RPN2: variants seen among roughly 807,000 people sequenced by gnomAD.
RPN2 encodes the protein dolichyl-diphosphooligosaccharide--protein glycosyltransferase subunit 2.
A neutral mutation model predicts 71.4 loss-of-function variants in RPN2; 29 were observed. The ratio of observed to expected loss-of-function variants is 0.41; its 90% CI spans 0.30 to 0.55. The LOEUF is 0.55. Ranked by LOEUF, RPN2 falls within the 20% of genes least tolerant of loss-of-function variation. The probability of loss-of-function intolerance (pLI) is 0.35; values close to 1 mark genes in which losing one functional copy is unlikely to be tolerated. For missense variants in RPN2, 726 were observed against 774.1 expected, an observed-to-expected ratio of 0.94 and a Z score of 0.74; for synonymous variants, 308 against 305.0, an observed-to-expected ratio of 1.01 and a Z score of -0.10.
chr20:37,209,532 G>A (rs960350102), intron 7 of RPN2, among the ~76,000 whole-genome samples: 2 of 151,516 alleles, frequency 1.3e-5, no homozygotes, highest in East Asian at 1.9e-4. Context: ...GTATAGTGGC[G>A]CAATCATAGC....
chr20:37,230,097 A>G lies in RPN2; in HGVS notation c.1581+38A>G, dbSNP rs770990456. 356 of 1,483,872 alleles carry G rather than the reference A, an allele frequency of 2.4e-4. 1 individual carries two copies. Among genetic ancestry groups the G allele is most frequent in the Non-Finnish European group, 3.3e-4 (346 of 1,061,246 alleles). The allele number at this position is 1,483,872 out of a possible 1,614,324, so 91.9% of individuals were successfully genotyped here. On this transcript the variant is annotated intron_variant, in intron 13 of 16. Coordinates refer to ENST00000237530, the MANE Select transcript of RPN2 (RefSeq NM_002951.5). ...GGGCCTATCCACTAAACGTGGGAGA[A>G]GAGAGGGCAACAAAGCCCTGGACAG...
intron 8 of RPN2, among the ~76,000 whole-genome samples, chr20:37,211,929 G>T (rs539318711): frequency 6.6e-6 from 1 of 151,794 alleles, no homozygotes; most frequent in Non-Finnish European, 1.5e-5. Flanking sequence ...GTAGAGATGG[G>T]GTTTTACCAT....
At chr20:37,214,824 A>C (rs2067767196) in intron 9 of RPN2, among the ~76,000 whole-genome samples, 1 of 152,004 alleles carries the variant, frequency 6.6e-6, no homozygotes, top group Admixed American at 6.6e-5. Context: ...CTCTGCTGTA[A>C]AGTTGCTGTT....
chr20:37,184,601 G>T (rs918638381), intron 2 of RPN2, among the ~76,000 whole-genome samples: 1 of 152,162 alleles, frequency 6.6e-6, no homozygotes, highest in Non-Finnish European at 1.5e-5. Context: ...GACCAGCCTG[G>T]CCAGTGCAGT....
chr20:37,211,655 A>AC (rs2067671254), intron 8 of RPN2, among the ~76,000 whole-genome samples: 1 of 151,924 alleles, frequency 6.6e-6, no homozygotes, highest in South Asian at 2.1e-4. Context: ...TAAAAAAAAA[A>AC]AAAAAAATCA....
chr20:37,216,909 A>C (rs2067820121), intron 9 of RPN2, among the ~76,000 whole-genome samples: 1 of 150,482 alleles, frequency 6.6e-6, no homozygotes, highest in African/African-American at 2.4e-5. Context: ...GTTTGTTTAT[A>C]TGCATTGCTT....
At position 37,210,050 on chromosome 20, in the gene RPN2, C is replaced by G; in HGVS notation, c.871C>G (p.Gln291Glu). 6.2e-7 allele frequency: 1 copy of G among 1,613,952 alleles called. No individual in the cohort carries two copies. The highest frequency in any genetic ancestry group is 1.1e-5 in the South Asian group (1 of 91,078). ...DTHEQAILRL[Q>E]VTNVLSQPLT... Reference sequence around the variant, plus strand: ...ATAATTTTTTATTTATTTCCAGTTGCAAGTCACCAATGTTCTGTCTCAGCC... The same window carrying G: ...ATAATTTTTTATTTATTTCCAGTTGGAAGTCACCAATGTTCTGTCTCAGCC... Residue 291 changes from glutamine to glutamate, a missense_variant, in exon 8 of 17, where the codon CAA becomes GAA. Transcript: ENST00000237530.
intron 14 of RPN2, 60 bp downstream of exon 14, chr20:37,232,451 TC>T (rs1362610786): frequency 6.3e-7 from 1 of 1,588,886 alleles, no homozygotes; most frequent in Non-Finnish European, 8.6e-7. Flanking sequence ...GCAGATGCAT[TC>T]CTTCCAAAGG....
chr20:37,216,390 T>C (rs2067805037), intron 9 of RPN2, among the ~76,000 whole-genome samples: 1 of 152,206 alleles, frequency 6.6e-6, no homozygotes, highest in Non-Finnish European at 1.5e-5. Flanking sequence ...GACTGTGTTT[T>C]TTATATCTTC....
At chr20:37,218,701 C>T (rs2067880589) in intron 9 of RPN2, among the ~76,000 whole-genome samples, 1 of 152,006 alleles carries the variant, frequency 6.6e-6, no homozygotes, top group Admixed American at 6.6e-5. Flanking sequence ...TTCTCTCTTC[C>T]TACTTTCTGC....
At chr20:37,224,480 C>T (rs574015054) in intron 10 of RPN2, among the ~76,000 whole-genome samples, 99 of 152,166 alleles carry the variant, frequency 6.5e-4, no homozygotes, top group Non-Finnish European at 8.8e-5. Context: ...ATGGCAGATA[C>T]CCAGCACTAG....
rs1939327436 is a variant in RPN2, at chr20:37,210,808, AG to A, written c.986+645del. On this transcript the variant is annotated intron_variant, in intron 8 of 16. Transcript: ENST00000237530. ...CGGCCTCCCTAAGTGCTGAGGTTAC[AG>A]GCATGAGCCACTGTGCCTGGCCTTG... Among the ~76,000 whole-genome samples, 3 of 152,054 alleles carry A rather than the reference AG, an allele frequency of 2.0e-5. No individual in the cohort carries two copies. In the South Asian group the frequency reaches 6.2e-4, roughly 32 times the overall value.
chr20:37,223,032 C>G (rs1183057921), intron 9 of RPN2, among the ~76,000 whole-genome samples: 1 of 152,226 alleles, frequency 6.6e-6, no homozygotes, highest in Non-Finnish European at 1.5e-5. Flanking sequence ...AGGTGGTCAA[C>G]TGGAGGCTCT....
intron 2 of RPN2, among the ~76,000 whole-genome samples, chr20:37,187,986 T>G (rs1288442863): frequency 6.6e-6 from 1 of 152,068 alleles, no homozygotes; most frequent in African/African-American, 2.4e-5. Context: ...TTCTATTGAC[T>G]GTTCAGATCT....
intron 2 of RPN2, among the ~76,000 whole-genome samples, chr20:37,194,330 C>T (rs981794562): frequency 3.3e-5 from 5 of 152,092 alleles, no homozygotes; most frequent in African/African-American, 9.7e-5. Context: ...GGCTCGATCT[C>T]GGCTCACTGC....
intron 1 of RPN2, among the ~76,000 whole-genome samples, chr20:37,182,682 A>G (rs1205837412): frequency 6.6e-6 from 1 of 152,200 alleles, no homozygotes; most frequent in Non-Finnish European, 1.5e-5. Context: ...GAAGTGAGCC[A>G]GTGCCGCTGG....
intron 9 of RPN2, among the ~76,000 whole-genome samples, chr20:37,219,284 T>C (rs2146645679): frequency 6.6e-6 from 1 of 152,356 alleles, no homozygotes; most frequent in South Asian, 2.1e-4. Flanking sequence ...ATGTTGAGTA[T>C]CTCTTTATGT....
At position 37,241,568 on chromosome 20, in the gene RPN2, TG is replaced by T; in HGVS notation, c.*254del. 1 of 542,776 alleles carries T rather than the reference TG, an allele frequency of 1.8e-6. No individual in the cohort carries two copies. The highest frequency in any genetic ancestry group is 3.4e-5 in the East Asian group (1 of 29,796). 33.6% of individuals were successfully genotyped at this position (542,776 alleles called of 1,614,324 possible). ...TCCTAACTTACCCAGATGTTGCTTT[TG>T]AAAAGTTGAAATGTGTAATTGTTTT... On this transcript the variant is annotated 3_prime_UTR_variant, in exon 17 of 17. Coordinates refer to ENST00000237530, the MANE Select transcript of RPN2 (RefSeq NM_002951.5).
At chr20:37,210,469 A>G (rs1166902295) in intron 8 of RPN2, among the ~76,000 whole-genome samples, 1 of 152,120 alleles carries the variant, frequency 6.6e-6, no homozygotes, top group Non-Finnish European at 1.5e-5. Context: ...ACAGCAAAGC[A>G]CAAAAAAAGA....
Sources: gnomAD v4.1 joint callset for allele counts (sites outside exome capture counted in the v4.1 genomes callset) on GRCh38, gnomAD v4.1.1 for gene constraint, MANE v1.5 for transcripts, NCBI Gene and HGNC (gene_info 2026-07-23, HGNC 2026-07-21) for gene names.